ZNF536: variants seen among roughly 807,000 people sequenced by gnomAD.
ZNF536 encodes zinc finger protein 536.
A neutral mutation model predicts 84.5 loss-of-function variants in ZNF536; 13 were observed. The observed-to-expected ratio is 0.15, with a 90% CI of 0.10 to 0.24. ZNF536 has a LOEUF of 0.24. Ranked by LOEUF, ZNF536 falls within the 10% of genes least tolerant of loss-of-function variation. The probability of loss-of-function intolerance (pLI) is 1.00; values close to 1 mark genes in which losing one functional copy is unlikely to be tolerated. For synonymous variants in ZNF536, 811 were observed against 742.5 expected (o/e 1.09, Z -1.50); for missense variants, 1,536 against 1,747.5 (o/e 0.88, Z 2.16).
At chr19:30,230,198 T>A (rs1379431313) in intron 1 of ZNF536, among the ~76,000 whole-genome samples, 1 of 152,222 alleles carries the variant, frequency 6.6e-6, no homozygotes, top group Non-Finnish European at 1.5e-5. Context: ...TTTGATTTAC[T>A]GTTCAAATGA....
chr19:30,620,347 A>AACAC (rs5827722), intron 1 of ZNF536, among the ~76,000 whole-genome samples: 2 of 150,424 alleles, frequency 1.3e-5, no homozygotes, highest in African/African-American at 4.9e-5. Context: ...ACATTTTTAA[A>AACAC]ACACACACAC....
At chr19:30,658,704 G>C (rs944009354) in intron 1 of ZNF536, among the ~76,000 whole-genome samples, 1 of 152,038 alleles carries the variant, frequency 6.6e-6, no homozygotes, top group Non-Finnish European at 1.5e-5. Context: ...ATGTGTGTTT[G>C]ACTTCTTCCT....
At chr19:30,295,313 C>T (rs1417291035) in intron 2 of ZNF536, among the ~76,000 whole-genome samples, 1 of 149,006 alleles carries the variant, frequency 6.7e-6, no homozygotes, top group East Asian at 2.0e-4. Context: ...ACTTGCCCTA[C>T]AGGAAACAGT....
chr19:30,641,548 G>A lies in ZNF536; in HGVS notation c.170-69209G>A, dbSNP rs370536739. ...TATTTACCCTATTGTTGAATATGTC[G>A]ACTGTTTCCAATGTTTTTATTATTA... On this transcript the variant is annotated intron_variant, in intron 1 of 1. Transcript: ENST00000592773. Among the ~76,000 whole-genome samples the A allele has an allele frequency of 1.6e-4, 24 of 151,990 alleles. 1 individual carries two copies. The East Asian group carries it at 3.3e-3, about 21-fold the overall frequency.
At chr19:30,513,538 A>T (rs2055506679) in intron 2 of ZNF536, among the ~76,000 whole-genome samples, 1 of 152,196 alleles carries the variant, frequency 6.6e-6, no homozygotes, top group South Asian at 2.1e-4. Context: ...GTTCCAAGTT[A>T]AAAATAACAT....
At chr19:30,612,106 G>C (rs2048124512) in intron 1 of ZNF536, among the ~76,000 whole-genome samples, 1 of 152,166 alleles carries the variant, frequency 6.6e-6, no homozygotes, top group Non-Finnish European at 1.5e-5. Flanking sequence ...TATGAAATGA[G>C]CAGCCCAGCT....
intron 1 of ZNF536, among the ~76,000 whole-genome samples, chr19:30,405,865 C>T (rs748068874): frequency 6.6e-6 from 1 of 152,058 alleles, no homozygotes; most frequent in Non-Finnish European, 1.5e-5. Context: ...GCAACCTCCA[C>T]CTCCTGGGTT....
chr19:30,559,036 C>G (rs1024086572), downstream of ZNF536, among the ~76,000 whole-genome samples: 1 of 152,204 alleles, frequency 6.6e-6, no homozygotes, highest in Non-Finnish European at 1.5e-5. Context: ...TCTCATAAAA[C>G]CTTTTCAAGT....
rs139185945 is a variant in ZNF536, at chr19:30,490,222, C to T, written c.2170+44490C>T. Among the ~76,000 whole-genome samples the T allele has an allele frequency of 6.2e-4, 95 of 152,220 alleles. 1 individual carries two copies. Among genetic ancestry groups the T allele is most frequent in the African/African-American group, 2.1e-3 (88 of 41,558 alleles). On this transcript the variant is annotated intron_variant, in intron 2 of 4. Transcript: ENST00000355537. Reference sequence around the variant, plus strand: ...GAAAACAGTTTTGTTGTTGAATAAACATAATCTCTTCGTTCATCTCTTCTT... The same window carrying T: ...GAAAACAGTTTTGTTGTTGAATAAATATAATCTCTTCGTTCATCTCTTCTT...
rs775873386 is a variant in ZNF536 at position 30,444,430 on chromosome 19, G to C, written c.868G>C (p.Asp290His). The C allele has an allele frequency of 3.7e-6, 6 of 1,608,762 alleles. No homozygotes were observed. Among genetic ancestry groups the C allele is most frequent in the Non-Finnish European group, 5.1e-6 (6 of 1,179,852 alleles). Residue 290 changes from aspartate (D) to histidine (H), a missense_variant, in exon 2 of 5, where the codon GAC becomes CAC. Physicochemically the swap from Asp to His is moderately conservative, Grantham distance 81. Transcript: ENST00000355537. Reference sequence around the variant, plus strand: ...CAAGTTCAAGAAGCGCGAGGAGCTGGACCGCCACATCCGCATCTTGCACAA... The same window carrying C: ...CAAGTTCAAGAAGCGCGAGGAGCTGCACCGCCACATCCGCATCTTGCACAA... ...KGKFKKREEL[D>H]RHIRILHKPY...
intron 1 of ZNF536, among the ~76,000 whole-genome samples, chr19:30,602,245 G>C (rs2047714208): frequency 1.3e-5 from 2 of 152,216 alleles, no homozygotes; most frequent in Admixed American, 1.3e-4. Context: ...ACATCCAGGT[G>C]AGTATCCACA....
At chr19:30,707,624 C>T (rs1203508853) in intron 1 of ZNF536, among the ~76,000 whole-genome samples, 1 of 152,202 alleles carries the variant, frequency 6.6e-6, no homozygotes, top group Non-Finnish European at 1.5e-5. Flanking sequence ...TAGATTTGCA[C>T]ATTGTCTTCT....
chr19:30,234,682 A>G (rs1438196387), intron 1 of ZNF536, among the ~76,000 whole-genome samples: 1 of 151,934 alleles, frequency 6.6e-6, no homozygotes, highest in Non-Finnish European at 1.5e-5. Flanking sequence ...GATTAAAGGC[A>G]TGAGCCAATG....
At chr19:30,251,591 T>G (rs1017361448) in intron 1 of ZNF536, among the ~76,000 whole-genome samples, 5 of 152,338 alleles carry the variant, frequency 3.3e-5, no homozygotes, top group Admixed American at 3.3e-4. Context: ...TTAAAAAATT[T>G]TACTTCCATA....
Position 30,617,196 on chromosome 19 carries a change from T to C in ZNF536, c.169+67682T>C, listed in dbSNP as rs151107534. On this transcript the variant is annotated intron_variant, in intron 1 of 1. Coordinates refer to the ZNF536 transcript ENST00000592773. ...TATTTGGTTACATGGGTAAGTTCTT[T>C]AGTGGTGATTTGTGAGATTTTGGTG... is the stretch of plus-strand genomic sequence containing the variant. Among the ~76,000 whole-genome samples the C allele has an allele frequency of 4.9e-3, 744 of 151,684 alleles. 6 individuals are homozygous for C. Among genetic ancestry groups the C allele is most frequent in the African/African-American group, 0.017 (691 of 41,402 alleles).
chr19:30,458,453 T>G (rs1056777316), intron 2 of ZNF536, among the ~76,000 whole-genome samples: 2 of 142,238 alleles, frequency 1.4e-5, no homozygotes, highest in Admixed American at 7.0e-5. Flanking sequence ...TGCTGTTTTT[T>G]TTTTTTTTTT....
At chr19:30,706,009 A>T (rs924824464) in intron 1 of ZNF536, among the ~76,000 whole-genome samples, 2 of 152,258 alleles carry the variant, frequency 1.3e-5, no homozygotes, top group African/African-American at 4.8e-5. Flanking sequence ...TTTTATACCA[A>T]GTTGGCCAAA....
At chr19:30,235,356 G>A (rs546540469) in intron 1 of ZNF536, among the ~76,000 whole-genome samples, 20 of 152,292 alleles carry the variant, frequency 1.3e-4, no homozygotes, top group African/African-American at 4.8e-4. Context: ...TTAGCACTGA[G>A]AACAAAATCA....
chr19:30,250,117 G>A (rs1013146134), intron 1 of ZNF536, among the ~76,000 whole-genome samples: 3 of 152,176 alleles, frequency 2.0e-5, no homozygotes, highest in Admixed American at 1.3e-4. Flanking sequence ...TGATGTTTGG[G>A]ATGTGCATTC....
Sources: gnomAD v4.1 joint callset for allele counts (sites outside exome capture counted in the v4.1 genomes callset) on GRCh38, gnomAD v4.1.1 for gene constraint, MANE v1.5 for transcripts, NCBI Gene and HGNC (gene_info 2026-07-23, HGNC 2026-07-21) for gene names.